Variants in POC5 observed in about 807,000 individuals in gnomAD.
POC5 encodes centrosomal protein POC5.
Under a neutral mutation model 62.9 loss-of-function variants are expected in POC5, and 48 were observed. The observed-to-expected ratio is 0.76, with a 90% confidence interval of 0.61 to 0.97. The LOEUF (loss-of-function observed/expected upper bound fraction) is 0.97. POC5 is among the 50% of genes least tolerant of loss of function. POC5 has a pLI of 0.00. For synonymous variants in POC5, 236 were observed against 228.2 expected, an observed-to-expected ratio of 1.03 and a Z score of -0.31; for missense variants, 696 against 679.5, an observed-to-expected ratio of 1.02 and a Z score of -0.27.
intron 2 of POC5, among the ~76,000 whole-genome samples, chr5:75,710,172 A>G (rs1777284412): frequency 1.3e-5 from 2 of 152,210 alleles, no homozygotes; most frequent in Admixed American, 6.5e-5. Context: ...TGATCTCAGG[A>G]CTACGTATCA....
At chr5:75,715,620 A>T (rs549630026) in intron 1 of POC5, among the ~76,000 whole-genome samples, 1 of 152,306 alleles carries the variant, frequency 6.6e-6, no homozygotes, top group African/African-American at 2.4e-5. Context: ...TGAAGATGGG[A>T]TTTGAGTGGG....
intron 5 of POC5, among the ~76,000 whole-genome samples, chr5:75,700,229 A>G (rs1166034143): frequency 6.6e-6 from 1 of 151,876 alleles, no homozygotes; most frequent in Non-Finnish European, 1.5e-5. Context: ...TTTAAAGTTC[A>G]TATGGAACCA....
intron 8 of POC5, chr5:75,689,590 A>G (rs1776234445): frequency 4.1e-6 from 4 of 983,908 alleles, no homozygotes; most frequent in South Asian, 4.7e-5. Context: ...TGTTACCTTC[A>G]GTATTTGAAG....
intron 5 of POC5, among the ~76,000 whole-genome samples, chr5:75,697,446 C>T (rs1776655273): frequency 6.6e-6 from 1 of 151,898 alleles, no homozygotes; most frequent in South Asian, 2.1e-4. Flanking sequence ...ATTTCATATC[C>T]AGCCAAACTA....
At chr5:75,706,134 C>G (rs973923659) in intron 3 of POC5, among the ~76,000 whole-genome samples, 1 of 152,092 alleles carries the variant, frequency 6.6e-6, no homozygotes, top group African/African-American at 2.4e-5. Flanking sequence ...TCCAGAGGCC[C>G]GCTGCTTTTC....
rs1289363192 is a variant in POC5, at chr5:75,690,489, G to C, written c.869C>G (p.Ser290Cys). 4.4e-6 allele frequency: 7 copies of C among 1,608,648 alleles called. No homozygotes were observed. Among genetic ancestry groups the C allele is most frequent in the Non-Finnish European group, 5.9e-6 (7 of 1,177,144 alleles). Reference protein sequence around the residue: ...LLKKVWKVWRSVVQKQWKDVV... With the variant: ...LLKKVWKVWRCVVQKQWKDVV... ...ATCTTTCCACTGCTTTTGCACTACG[G>C]AACGCCAGACTTTCCAGACTTTCTT... is the stretch of plus-strand genomic sequence containing the variant. The change falls in exon 8 of 12, where the codon TCC becomes TGC. Residue 290 changes from serine (S) to cysteine (C), a missense_variant. Physicochemically the swap from Ser to Cys is moderately radical, Grantham distance 112. Coordinates refer to ENST00000428202, the MANE Select transcript of POC5 (RefSeq NM_001099271.2).
At position 75,709,790 on chromosome 5, in the gene POC5, T is replaced by C. The variant is rs150712141; in HGVS notation, c.85-1915A>G. ...TAGTTCCTATAAACCTGAATGTGTG[T>C]GTTGGTCCTAATAAACTAATACATA... On this transcript the variant is annotated intron_variant, in intron 2 of 11. Transcript: ENST00000428202. Among the ~76,000 whole-genome samples the C allele has an allele frequency of 6.1e-3, 933 of 152,336 alleles. 13 individuals carry two copies. The highest frequency in any genetic ancestry group is 0.021 in the African/African-American group (894 of 41,582).
At chr5:75,678,539 C>G (rs900269762) in intron 10 of POC5, among the ~76,000 whole-genome samples, 1 of 152,126 alleles carries the variant, frequency 6.6e-6, no homozygotes, top group South Asian at 2.1e-4. Flanking sequence ...GATCCTTAAG[C>G]ATAATTAATA....
At chr5:75,681,943 C>A (rs1167107291) in intron 10 of POC5, among the ~76,000 whole-genome samples, 1 of 152,094 alleles carries the variant, frequency 6.6e-6, no homozygotes, top group Non-Finnish European at 1.5e-5. Context: ...CTTTTAAAAA[C>A]AAAAACACAT....
At chr5:75,678,594 C>G (rs1775762576) in intron 10 of POC5, among the ~76,000 whole-genome samples, 1 of 132,802 alleles carries the variant, frequency 7.5e-6, no homozygotes, top group South Asian at 2.3e-4. Flanking sequence ...TTTTCCTTCT[C>G]ATTTTATTAA....
chr5:75,711,825 T>G (rs1561484177), intron 2 of POC5, among the ~76,000 whole-genome samples: 1 of 152,210 alleles, frequency 6.6e-6, no homozygotes, highest in African/African-American at 2.4e-5. Flanking sequence ...GAGTTATTCT[T>G]TTGATTTAAA....
At chr5:75,699,836 A>T (rs1291878937) in intron 5 of POC5, among the ~76,000 whole-genome samples, 1 of 148,224 alleles carries the variant, frequency 6.7e-6, no homozygotes, top group African/African-American at 2.5e-5. Flanking sequence ...CTCAGCCCAA[A>T]ATCTCCTTAA....
intron 9 of POC5, among the ~76,000 whole-genome samples, chr5:75,686,256 G>A (rs1261159365): frequency 1.3e-5 from 2 of 152,146 alleles, no homozygotes; most frequent in African/African-American, 4.8e-5. Context: ...GTTAGTTTCT[G>A]CTTAAGACTG....
chr5:75,705,943 C>A (rs1263194177), intron 3 of POC5, among the ~76,000 whole-genome samples, 156 bp from the exon 4 acceptor site: 4 of 152,082 alleles, frequency 2.6e-5, no homozygotes, highest in Non-Finnish European at 5.9e-5. Context: ...AGGACAAGAA[C>A]AGATAAAAAT....
At chr5:75,713,516 A>G (rs1777433186) in intron 1 of POC5, among the ~76,000 whole-genome samples, 2 of 152,216 alleles carry the variant, frequency 1.3e-5, no homozygotes, top group African/African-American at 4.8e-5. Context: ...TATGTAAGAC[A>G]TTGGTGAGGA....
chr5:75,695,254 T>C (rs991483840), intron 5 of POC5, among the ~76,000 whole-genome samples: 1 of 151,896 alleles, frequency 6.6e-6, no homozygotes, highest in Non-Finnish European at 1.5e-5. Context: ...ACCATGAGAG[T>C]TGATACTTGT....
At chr5:75,678,993 C>CA (rs1775778860) in intron 10 of POC5, among the ~76,000 whole-genome samples, 2 of 152,046 alleles carry the variant, frequency 1.3e-5, no homozygotes, top group Non-Finnish European at 2.9e-5. Context: ...TCCATTTTGT[C>CA]AACTATTCAT....
At chr5:75,685,553 A>G in intron 9 of POC5, 69 bp from the exon 10 acceptor site, 2 of 1,484,392 alleles carry the variant, frequency 1.3e-6, no homozygotes, top group Non-Finnish European at 1.8e-6. Context: ...CCAAACAATG[A>G]AAACACATAC....
intron 9 of POC5, 74 bp downstream of exon 9, chr5:75,688,938 G>T: frequency 7.3e-7 from 1 of 1,379,174 alleles, no homozygotes; most frequent in Non-Finnish European, 9.6e-7. Flanking sequence ...TTGTACTGTA[G>T]ACCATACCAA....
Sources: gnomAD v4.1 joint callset for allele counts (sites outside exome capture counted in the v4.1 genomes callset) on GRCh38, gnomAD v4.1.1 for gene constraint, MANE v1.5 for transcripts, NCBI Gene and HGNC (gene_info 2026-07-23, HGNC 2026-07-21) for gene names.